Variants in EYA3 observed in about 807,000 individuals in gnomAD.
The protein encoded by EYA3 is EYA transcriptional coactivator and phosphatase 3.
EYA3 carries 39 observed loss-of-function variants against 80.0 expected under a neutral mutation model. The ratio of observed to expected loss-of-function variants is 0.49; its 90% CI spans 0.38 to 0.64. The LOEUF is 0.64. EYA3 is among the 30% of genes least tolerant of loss of function. EYA3 has a pLI of 0.00. For missense variants in EYA3, 523 were observed against 676.1 expected, an observed-to-expected ratio of 0.77 and a Z score of 2.51; for synonymous variants, 206 against 232.8, an observed-to-expected ratio of 0.88 and a Z score of 1.05.
In EYA3 at chr1:27,990,552, C is replaced by CTTT. The variant is rs370894433; in HGVS notation, c.1304-744_1304-742dup. On this transcript the variant is annotated intron_variant, in intron 14 of 17. Transcript: ENST00000373871. ...TGGTGTCAAGATAAGACCAGTTGTC[C>CTTT]TTTTTTTTTTTTTTTTTCTGAGATG... is the stretch of plus-strand genomic sequence containing the variant. The CTTT allele has an allele frequency of 5.5e-4, 72 of 131,128 alleles. 4 individuals carry two copies. Among genetic ancestry groups the CTTT allele is most frequent in the Middle Eastern group, 4.0e-3 (1 of 250 alleles). 8.1% of individuals were successfully genotyped at this position (131,128 alleles called of 1,614,324 possible).
rs1053355499 is a variant in EYA3 at position 28,086,359 on chromosome 1, G to A, written c.-69+2165C>T. On this transcript the variant is annotated intron_variant, in intron 1 of 17. Transcript: ENST00000373871. The stretch of plus-strand genomic sequence containing the variant: ...CTCCTGAGTAGTTGGGACTACAGGC[G>A]CACACCACTACACCAAGCTAATTTT... 8.5e-5 allele frequency among the ~76,000 whole-genome samples: 13 copies of A among 152,096 alleles called. No individual in the cohort carries two copies. In the South Asian group the frequency reaches 1.0e-3, roughly 12 times the overall value.
chr1:28,080,660 GA>G (rs765839496), intron 1 of EYA3, among the ~76,000 whole-genome samples: 1,212 of 115,506 alleles, frequency 0.01, 5 homozygotes, highest in Non-Finnish European at 0.015. Flanking sequence ...CACTTTATCA[GA>G]AAAAAAAAAA....
At chr1:28,017,369 T>C in intron 7 of EYA3, 130 bp from the exon 8 acceptor site, 1 of 650,688 alleles carries the variant, frequency 1.5e-6, no homozygotes, top group African/African-American at 1.9e-5. Context: ...AAACAAACAC[T>C]CGTTTTGCTT....
At chr1:27,978,975 A>G (rs1639131220) in intron 16 of EYA3, among the ~76,000 whole-genome samples, 2 of 152,180 alleles carry the variant, frequency 1.3e-5, no homozygotes, top group Admixed American at 6.5e-5. Flanking sequence ...ACAAACAAAC[A>G]AACAACCCAA....
intron 8 of EYA3, among the ~76,000 whole-genome samples, chr1:28,014,180 G>A (rs1024861587): frequency 1.3e-5 from 2 of 152,174 alleles, no homozygotes; most frequent in African/African-American, 4.8e-5. Flanking sequence ...ACTTTGGGAG[G>A]ACGAGGTGGG....
chr1:28,007,336 T>TC (rs996225847), intron 10 of EYA3, among the ~76,000 whole-genome samples: 1 of 149,908 alleles, frequency 6.7e-6, no homozygotes, highest in Admixed American at 6.6e-5. Flanking sequence ...TTTCTTTCTT[T>TC]CTTTTTTTTT....
At chr1:27,996,234 A>T (rs1209473553) in intron 13 of EYA3, among the ~76,000 whole-genome samples, 1 of 152,208 alleles carries the variant, frequency 6.6e-6, no homozygotes, top group Non-Finnish European at 1.5e-5. Flanking sequence ...AGATAATACA[A>T]TTATACAAAC....
chr1:28,035,431 T>C lies in EYA3; in HGVS notation c.361+113A>G, dbSNP rs1029423355. 3.3e-5 allele frequency: 39 copies of C among 1,181,102 alleles called. No homozygotes were observed. In the South Asian group the frequency reaches 6.0e-4, roughly 18 times the overall value. 73.2% of individuals were successfully genotyped at this position (1,181,102 alleles called of 1,614,324 possible). ...TCAAACATACTGTTGCAAAGTTGCA[T>C]ACCCAACCACATATGTAACTAAGTG... On this transcript the variant is annotated intron_variant, in intron 6 of 17. Coordinates refer to ENST00000373871, the MANE Select transcript of EYA3 (RefSeq NM_001990.4).
At chr1:28,082,187 T>C (rs1413515319) in intron 1 of EYA3, among the ~76,000 whole-genome samples, 1 of 152,196 alleles carries the variant, frequency 6.6e-6, no homozygotes, top group Non-Finnish European at 1.5e-5. Context: ...GTATTCCTAA[T>C]CAAATGTCAC....
At chr1:28,017,089 T>C (rs535561101) in intron 8 of EYA3, 65 bp downstream of exon 8, 7 of 1,386,508 alleles carry the variant, frequency 5.0e-6, no homozygotes, top group Non-Finnish European at 7.1e-6. Flanking sequence ...AAATTGACCA[T>C]GGAAAGAAGA....
intron 11 of EYA3, among the ~76,000 whole-genome samples, chr1:28,000,963 G>C (rs1640793465): frequency 6.6e-6 from 1 of 152,058 alleles, no homozygotes; most frequent in African/African-American, 2.4e-5. Context: ...TACTTGGAAG[G>C]CTGAGGTGGG....
intron 1 of EYA3, among the ~76,000 whole-genome samples, chr1:28,068,743 G>A (rs546719729): frequency 2.0e-5 from 3 of 152,124 alleles, no homozygotes; most frequent in East Asian, 1.9e-4. Context: ...CTTTATAACC[G>A]TAAGTCCTTA....
intron 1 of EYA3, among the ~76,000 whole-genome samples, chr1:28,060,587 C>T (rs879274948): frequency 6.6e-6 from 1 of 152,196 alleles, no homozygotes; most frequent in Admixed American, 6.5e-5. Context: ...TTAAGGGAAA[C>T]ATTTAAAGAC....
intron 1 of EYA3, among the ~76,000 whole-genome samples, chr1:28,085,832 C>T (rs371072704): frequency 2.6e-5 from 4 of 152,220 alleles, no homozygotes; most frequent in African/African-American, 9.6e-5. Flanking sequence ...AGATCAGCAG[C>T]ATGGAACACA....
chr1:28,075,988 T>C (rs879695958), intron 1 of EYA3, among the ~76,000 whole-genome samples: 1 of 151,848 alleles, frequency 6.6e-6, no homozygotes, highest in East Asian at 2.0e-4. Flanking sequence ...GACACAAATA[T>C]CCAGCAGACC....
At chr1:28,078,583 T>C (rs1645307986) in intron 1 of EYA3, among the ~76,000 whole-genome samples, 1 of 152,178 alleles carries the variant, frequency 6.6e-6, no homozygotes, top group Non-Finnish European at 1.5e-5. Flanking sequence ...TCTCGCTCTG[T>C]TACCCAGGCT....
Position 28,044,850 on chromosome 1 carries a change from C to G in EYA3, c.78-2200G>C, listed in dbSNP as rs915886599. Among the ~76,000 whole-genome samples, 13 of 152,134 alleles carry G rather than the reference C, an allele frequency of 8.5e-5. No homozygotes were observed. The East Asian group carries it at 1.4e-3, about 16-fold the overall frequency. On this transcript the variant is annotated intron_variant, in intron 3 of 17. Coordinates refer to ENST00000373871, the MANE Select transcript of EYA3 (RefSeq NM_001990.4). ...TGCAGTGGCTCGATCATGGCTCCTGCAGCTTTGACCTCCCGGGCTCAAGTG... is the reference window on the plus strand; with the variant it reads ...TGCAGTGGCTCGATCATGGCTCCTGGAGCTTTGACCTCCCGGGCTCAAGTG...
intron 16 of EYA3, among the ~76,000 whole-genome samples, chr1:27,981,490 A>G (rs1014757424): frequency 6.6e-6 from 1 of 152,194 alleles, no homozygotes. Context: ...AGCAGGAACA[A>G]TATCTGAAGG....
chr1:28,027,773 A>C lies in EYA3; in HGVS notation c.499+16T>G, dbSNP rs776008549. 15 of 1,613,714 alleles carry C rather than the reference A, an allele frequency of 9.3e-6. No individual in the cohort carries two copies. In the South Asian group the frequency reaches 1.5e-4, roughly 17 times the overall value. On this transcript the variant is annotated intron_variant, in intron 7 of 17. Transcript: ENST00000373871. ...AATAATAATTTTAAAACACACACAC[A>C]ACCATGCCTATTTACCTTGAATGGG...
Sources: gnomAD v4.1 joint callset for allele counts (sites outside exome capture counted in the v4.1 genomes callset) on GRCh38, gnomAD v4.1.1 for gene constraint, MANE v1.5 for transcripts, NCBI Gene and HGNC (gene_info 2026-07-23, HGNC 2026-07-21) for gene names.